The following ACBD6 variants were observed in gnomAD, a reference collection of about 807,000 sequenced individuals.
The protein encoded by ACBD6 is acyl-CoA binding domain containing 6.
ACBD6 carries 28 observed loss-of-function variants against 37.2 expected under a neutral mutation model. The ratio of observed to expected loss-of-function variants is 0.75; its 90% CI spans 0.56 to 1.03. The LOEUF is 1.03. Ranked by LOEUF, ACBD6 falls within the 50% of genes least tolerant of loss-of-function variation. The probability of loss-of-function intolerance (pLI) is 0.00; values close to 1 mark genes in which losing one functional copy is unlikely to be tolerated. For missense variants in ACBD6, 340 were observed against 337.4 expected, an observed-to-expected ratio of 1.01 and a Z score of -0.06; for synonymous variants, 113 against 126.8, an observed-to-expected ratio of 0.89 and a Z score of 0.73.
At chr1:180,499,152 A>T (rs1401647255) in intron 1 of ACBD6, among the ~76,000 whole-genome samples, 1 of 152,204 alleles carries the variant, frequency 6.6e-6, no homozygotes, top group Non-Finnish European at 1.5e-5. Flanking sequence ...CTTCCTGCCA[A>T]CAACCTCATC....
intron 6 of ACBD6, among the ~76,000 whole-genome samples, chr1:180,383,475 C>A (rs1441334543): frequency 6.6e-6 from 1 of 151,806 alleles, no homozygotes; most frequent in Non-Finnish European, 1.5e-5. Context: ...TAAATTTAAC[C>A]AAGGAGGTGA....
chr1:180,488,078 C>T (rs754992544), intron 3 of ACBD6, among the ~76,000 whole-genome samples: 2 of 151,432 alleles, frequency 1.3e-5, no homozygotes, highest in South Asian at 2.1e-4. Context: ...TCAAACAATT[C>T]GGAAAAAATG....
At chr1:180,338,296 A>T (rs1236576086) in intron 6 of ACBD6, among the ~76,000 whole-genome samples, 1 of 152,236 alleles carries the variant, frequency 6.6e-6, no homozygotes, top group Non-Finnish European at 1.5e-5. Context: ...ACAAACAGTA[A>T]CCAAAACAGC....
intron 4 of ACBD6, among the ~76,000 whole-genome samples, chr1:180,420,839 C>T (rs1213883431): frequency 1.3e-5 from 2 of 152,032 alleles, no homozygotes; most frequent in African/African-American, 4.8e-5. Flanking sequence ...ATCATAAACC[C>T]GCCTGAATTT....
At chr1:180,275,828 A>G (rs1477188226) in intron 9 of ACBD6, 1 of 152,328 alleles carries the variant, frequency 6.6e-6, no homozygotes, top group African/African-American at 2.4e-5. Flanking sequence ...TCAGAAAGCC[A>G]GAACTCTCTG....
intron 3 of ACBD6, among the ~76,000 whole-genome samples, chr1:180,484,680 G>A (rs1027104570): frequency 4.7e-5 from 7 of 148,042 alleles, no homozygotes; most frequent in African/African-American, 1.5e-4. Context: ...ATGTATACAC[G>A]TCTGTGTCTA....
chr1:180,418,072 T>C (rs1648173564), intron 4 of ACBD6, among the ~76,000 whole-genome samples: 1 of 151,990 alleles, frequency 6.6e-6, no homozygotes, highest in Admixed American at 6.6e-5. Flanking sequence ...ATCTTTCACA[T>C]ATCTAATCTT....
At chr1:180,354,878 A>G (rs567583996) in intron 6 of ACBD6, among the ~76,000 whole-genome samples, 3 of 152,304 alleles carry the variant, frequency 2.0e-5, no homozygotes, top group African/African-American at 7.2e-5. Context: ...TAAGAATAAA[A>G]CACGTCCTCC....
chr1:180,431,200 C>A (rs1648801252), intron 3 of ACBD6, among the ~76,000 whole-genome samples: 1 of 151,098 alleles, frequency 6.6e-6, no homozygotes, highest in African/African-American at 2.4e-5. Context: ...GATCACTGGG[C>A]TGAGGAAAAA....
At chr1:180,306,037 G>T (rs527842241) in intron 7 of ACBD6, among the ~76,000 whole-genome samples, 41 of 144,130 alleles carry the variant, frequency 2.8e-4, no homozygotes, top group African/African-American at 1.0e-3. Flanking sequence ...TCATAGGTGG[G>T]AATTGAACAA....
At chr1:180,445,832 G>A (rs1341827119) in intron 3 of ACBD6, among the ~76,000 whole-genome samples, 1 of 152,082 alleles carries the variant, frequency 6.6e-6, no homozygotes, top group Non-Finnish European at 1.5e-5. Flanking sequence ...CTGAAAAGAG[G>A]TGAAGTATCC....
intron 6 of ACBD6, 27 bp downstream of exon 6, chr1:180,397,489 A>T: frequency 6.3e-7 from 1 of 1,586,824 alleles, no homozygotes; most frequent in Non-Finnish European, 8.7e-7. Flanking sequence ...AATTTAAAAA[A>T]TAAAAGCTCT....
intron 6 of ACBD6, among the ~76,000 whole-genome samples, chr1:180,366,837 T>A (rs994265568): frequency 6.6e-5 from 10 of 152,180 alleles, no homozygotes; most frequent in African/African-American, 2.4e-4. Flanking sequence ...CCTCATAAAA[T>A]GCATCCGATA....
chr1:180,306,656 C>T (rs888320157), intron 7 of ACBD6, among the ~76,000 whole-genome samples: 8 of 152,182 alleles, frequency 5.3e-5, no homozygotes, highest in African/African-American at 1.9e-4. Flanking sequence ...ATTCTCACTG[C>T]TGTATAGTAT....
chr1:180,377,100 C>T (rs1007999386), intron 6 of ACBD6, among the ~76,000 whole-genome samples: 4 of 151,818 alleles, frequency 2.6e-5, no homozygotes, highest in Non-Finnish European at 2.9e-5. Context: ...CTCCTTTATG[C>T]GTATATACTA....
At chr1:180,454,944 T>C (rs975770756) in intron 3 of ACBD6, among the ~76,000 whole-genome samples, 4 of 152,296 alleles carry the variant, frequency 2.6e-5, no homozygotes, top group East Asian at 1.9e-4. Flanking sequence ...AGTTCAACCA[T>C]TGTGGAAGTC....
chr1:180,418,901 A>C (rs1648224676), intron 4 of ACBD6, among the ~76,000 whole-genome samples: 2 of 152,248 alleles, frequency 1.3e-5, no homozygotes, highest in Admixed American at 1.3e-4. Flanking sequence ...TAAGAAGCCT[A>C]GCCTTCAAAA....
At position 180,378,928 on chromosome 1, in the gene ACBD6, G is replaced by A. The variant is rs1196985011; in HGVS notation, c.663+18588C>T. ...CTGCCCATGTCACACTCATTACCTA[G>A]GGGCTCGAGAACACACCCACTTGAC... On this transcript the variant is annotated intron_variant, in intron 6 of 7. Coordinates refer to ENST00000367595, the MANE Select transcript of ACBD6 (RefSeq NM_032360.4). Among the ~76,000 whole-genome samples, 4 of 152,070 alleles carry A rather than the reference G, an allele frequency of 2.6e-5. No homozygotes were observed. The South Asian group carries it at 6.2e-4, about 24-fold the overall frequency.
intron 7 of ACBD6, among the ~76,000 whole-genome samples, chr1:180,292,964 T>C (rs1649774765): frequency 2.0e-5 from 3 of 152,234 alleles, no homozygotes; most frequent in African/African-American, 7.2e-5. Context: ...TTTGTCAGCC[T>C]TTTCTACATA....
Sources: allele counts gnomAD v4.1 joint callset (sites outside exome capture counted in the v4.1 genomes callset), GRCh38; gene constraint gnomAD v4.1.1; transcripts MANE v1.5; gene names NCBI Gene and HGNC (gene_info 2026-07-23, HGNC 2026-07-21).